Variants in SLAIN2 observed in about 807,000 individuals in gnomAD.
SLAIN2 encodes SLAIN motif-containing protein 2.
A neutral mutation model predicts 56.6 loss-of-function variants in SLAIN2; 31 were observed. That is an observed-to-expected ratio of 0.55 (90% CI 0.41 to 0.74). The LOEUF (loss-of-function observed/expected upper bound fraction) is 0.74. Among genes scored for constraint, SLAIN2 ranks in the 30% least tolerant of loss-of-function variants. The pLI, the probability that SLAIN2 is intolerant of heterozygous loss-of-function variation, is 0.00. For synonymous variants in SLAIN2, 317 were observed against 284.9 expected, an observed-to-expected ratio of 1.11 and a Z score of -1.13; for missense variants, 777 against 754.2, an observed-to-expected ratio of 1.03 and a Z score of -0.35.
In SLAIN2 at chr4:48,406,296, T is replaced by C. The variant is rs112370504; in HGVS notation, c.1361-13829T>C. Reference sequence around the variant, plus strand: ...AGCTAGGAAACGTGTAGGTTTGTGTTTGTATATTTTTTTAATATTAAATGC... The same window carrying C: ...AGCTAGGAAACGTGTAGGTTTGTGTCTGTATATTTTTTTAATATTAAATGC... On this transcript the variant is annotated intron_variant, in intron 6 of 7. Coordinates refer to ENST00000264313, the MANE Select transcript of SLAIN2 (RefSeq NM_020846.2). Among the ~76,000 whole-genome samples the C allele has an allele frequency of 5.4e-3, 816 of 152,278 alleles. 9 individuals are homozygous for C. The highest frequency in any genetic ancestry group is 0.018 in the African/African-American group (768 of 41,544).
At chr4:48,370,590 T>C (rs942760411) in intron 2 of SLAIN2, among the ~76,000 whole-genome samples, 2 of 152,256 alleles carry the variant, frequency 1.3e-5, no homozygotes, top group Non-Finnish European at 2.9e-5. Flanking sequence ...CTTGACATTT[T>C]AGGTTTAAAT....
intron 6 of SLAIN2, among the ~76,000 whole-genome samples, chr4:48,409,870 C>T (rs1716798482): frequency 6.6e-6 from 1 of 152,088 alleles, no homozygotes; most frequent in South Asian, 2.1e-4. Flanking sequence ...GACGACAGAG[C>T]AAGACTCCAT....
At chr4:48,348,113 G>A (rs530735996) in intron 1 of SLAIN2, among the ~76,000 whole-genome samples, 16 of 151,972 alleles carry the variant, frequency 1.1e-4, no homozygotes, top group African/African-American at 3.9e-4. Context: ...GTATTTGAAG[G>A]ACTCTAATAA....
intron 1 of SLAIN2, among the ~76,000 whole-genome samples, chr4:48,348,850 A>G (rs568822210): frequency 2.2e-4 from 33 of 152,296 alleles, no homozygotes; most frequent in Admixed American, 1.7e-3. Context: ...TCTTGAGGGT[A>G]GGTTTGAATT....
intron 6 of SLAIN2, among the ~76,000 whole-genome samples, chr4:48,392,131 A>C (rs1364197753): frequency 6.6e-6 from 1 of 152,246 alleles, no homozygotes; most frequent in East Asian, 1.9e-4. Flanking sequence ...TAATCAAATT[A>C]AGATAATTCA....
chr4:48,374,599 G>A (rs1417026543), intron 2 of SLAIN2, among the ~76,000 whole-genome samples: 1 of 152,126 alleles, frequency 6.6e-6, no homozygotes, highest in African/African-American at 2.4e-5. Context: ...TTCTGCAAGG[G>A]TGTAGTGTAT....
At chr4:48,389,400 C>T (rs1716177374) in intron 6 of SLAIN2, among the ~76,000 whole-genome samples, 1 of 152,138 alleles carries the variant, frequency 6.6e-6, no homozygotes, top group Non-Finnish European at 1.5e-5. Flanking sequence ...GTATAGAGTT[C>T]TGGATTTTAT....
At chr4:48,356,478 C>T (rs376038497) in intron 1 of SLAIN2, among the ~76,000 whole-genome samples, 1 of 151,560 alleles carries the variant, frequency 6.6e-6, no homozygotes, top group Non-Finnish European at 1.5e-5. Context: ...CTGAAAAGAT[C>T]TGTACTAGTA....
chr4:48,366,673 AC>A (rs1715529009), intron 1 of SLAIN2, among the ~76,000 whole-genome samples: 1 of 152,168 alleles, frequency 6.6e-6, no homozygotes, highest in Admixed American at 6.5e-5. Flanking sequence ...TTTGTAGACA[AC>A]GTTTCGTTGT....
chr4:48,387,090 A>G (rs948165336), intron 6 of SLAIN2, among the ~76,000 whole-genome samples: 1 of 152,194 alleles, frequency 6.6e-6, no homozygotes, highest in African/African-American at 2.4e-5. Context: ...GATACTTTCT[A>G]AAACTAGCTA....
In SLAIN2 at chr4:48,422,046, A is replaced by G. The variant is rs202221339; in HGVS notation, c.1715A>G (p.Lys572Arg). Residue 572 changes from lysine to arginine, a missense_variant, in exon 8 of 8, where the codon AAA (lysine) becomes AGA (arginine). Physicochemically the swap from Lys to Arg is conservative, Grantham distance 26. Transcript: ENST00000264313. ...LPAPKTYGSM[K>R]DDSWKDGCY ...GCTCCTAAAACCTATGGTAGCATGA[A>G]AGATGACAGTTGGAAAGATGGCTGT... 2.0e-4 allele frequency: 329 copies of G among 1,610,952 alleles called. No homozygotes were observed. Among genetic ancestry groups the G allele is most frequent in the Non-Finnish European group, 2.6e-4 (312 of 1,178,734 alleles).
At chr4:48,391,482 A>G (rs1414064002) in intron 6 of SLAIN2, among the ~76,000 whole-genome samples, 1 of 152,220 alleles carries the variant, frequency 6.6e-6, no homozygotes, top group African/African-American at 2.4e-5. Flanking sequence ...GAGTGCTTTT[A>G]TAACTGATGT....
intron 1 of SLAIN2, among the ~76,000 whole-genome samples, chr4:48,344,985 C>T (rs1288937594): frequency 6.6e-6 from 1 of 152,176 alleles, no homozygotes; most frequent in Non-Finnish European, 1.5e-5. Context: ...CTTCGTTGTG[C>T]ATCACAGTGT....
rs761272695 is a variant in SLAIN2 at position 48,342,711 on chromosome 4, C to CTTTTTTTTTTTTTTTTT, written c.389+591_389+607dup. 8.5e-4 allele frequency among the ~76,000 whole-genome samples: 56 copies of CTTTTTTTTTTTTTTTTT among 65,946 alleles called. 3 individuals carry two copies. Among genetic ancestry groups the CTTTTTTTTTTTTTTTTT allele is most frequent in the African/African-American group, 1.1e-3 (17 of 15,984 alleles). The allele number at this position is 65,946 out of a possible 152,430, so 43.3% of individuals were successfully genotyped here. A position where few individuals can be genotyped will look rare whatever the true frequency, so the allele number is the denominator to read the frequency against. On this transcript the variant is annotated intron_variant, in intron 1 of 7. Transcript: ENST00000264313. ...GAAGAGAGGGCAGAGGATGGTGCTG[C>CTTTTTTTTTTTTTTTTT]TTTTTTTTTTTTTTTTTTTTTTTTG...
chr4:48,403,977 C>T (rs1389255627), intron 6 of SLAIN2, among the ~76,000 whole-genome samples: 2 of 152,146 alleles, frequency 1.3e-5, no homozygotes, highest in Admixed American at 6.5e-5. Flanking sequence ...CAGGGTTGCA[C>T]AATCACTCAC....
At chr4:48,399,182 A>T (rs985586996) in intron 6 of SLAIN2, among the ~76,000 whole-genome samples, 1 of 152,138 alleles carries the variant, frequency 6.6e-6, no homozygotes, top group African/African-American at 2.4e-5. Flanking sequence ...GATTTCCTTA[A>T]GCAGTGGTTT....
chr4:48,348,272 A>T (rs185384128), intron 1 of SLAIN2, among the ~76,000 whole-genome samples: 4 of 152,332 alleles, frequency 2.6e-5, no homozygotes, highest in Admixed American at 6.5e-5. Flanking sequence ...GTTGGAAATA[A>T]CCTTCAAAAG....
chr4:48,378,862 A>C (rs1715897545), intron 3 of SLAIN2, among the ~76,000 whole-genome samples: 1 of 151,998 alleles, frequency 6.6e-6, no homozygotes, highest in Non-Finnish European at 1.5e-5. Context: ...TATCATGTGC[A>C]CTCTGCTCTT....
chr4:48,410,633 C>T (rs1716821761), intron 6 of SLAIN2, among the ~76,000 whole-genome samples: 1 of 152,178 alleles, frequency 6.6e-6, no homozygotes, highest in Non-Finnish European at 1.5e-5. Context: ...TCCGGCTCCG[C>T]TTGCAGTATC....
Sources: gnomAD v4.1 joint callset for allele counts (sites outside exome capture counted in the v4.1 genomes callset) on GRCh38, gnomAD v4.1.1 for gene constraint, MANE v1.5 for transcripts, NCBI Gene and HGNC (gene_info 2026-07-23, HGNC 2026-07-21) for gene names.